Variants in CPVL observed in about 807,000 individuals in gnomAD.
CPVL encodes the protein probable serine carboxypeptidase CPVL.
A neutral mutation model predicts 63.7 loss-of-function variants in CPVL; 51 were observed. That is an observed-to-expected ratio of 0.80 (90% CI 0.64 to 1.01). The LOEUF (loss-of-function observed/expected upper bound fraction) is 1.01. Ranked by LOEUF, CPVL falls within the 50% of genes least tolerant of loss-of-function variation. The probability of loss-of-function intolerance (pLI) is 0.00; values close to 1 mark genes in which losing one functional copy is unlikely to be tolerated. For synonymous variants in CPVL, 195 were observed against 206.0 expected (o/e 0.95, Z 0.46); for missense variants, 530 against 573.1 (o/e 0.92, Z 0.77).
In CPVL at chr7:29,140,729, C is replaced by T. The variant is rs547559484; in HGVS notation, c.-11+5700G>A. On this transcript the variant is annotated intron_variant, in intron 1 of 12. Transcript: ENST00000265394. ...TCTTGCTCCAGGCTACACATTCTAT[C>T]GCACCCTCTCTCCAAAGACTCCCCA... Among the ~76,000 whole-genome samples the T allele has an allele frequency of 2.1e-4, 32 of 152,214 alleles. 1 individual carries two copies. Among genetic ancestry groups the T allele is most frequent in the Admixed American group, 7.2e-4 (11 of 15,280 alleles).
At chr7:29,050,508 A>C (rs1790039118) in intron 11 of CPVL, among the ~76,000 whole-genome samples, 1 of 152,166 alleles carries the variant, frequency 6.6e-6, no homozygotes, top group African/African-American at 2.4e-5. Flanking sequence ...AAAATGGCCC[A>C]GATACTTTGC....
chr7:29,036,775 G>A (rs1281254037), intron 11 of CPVL, among the ~76,000 whole-genome samples: 1 of 152,138 alleles, frequency 6.6e-6, no homozygotes, highest in African/African-American at 2.4e-5. Flanking sequence ...GGAAGTTTTT[G>A]AGTAATAATA....
chr7:29,095,251 C>T (rs918226196), intron 4 of CPVL, 109 bp from the exon 5 acceptor site: 27 of 867,004 alleles, frequency 3.1e-5, no homozygotes, highest in South Asian at 2.0e-4. Context: ...GAGCTGTTGG[C>T]GTACCCTCTA....
intron 12 of CPVL, among the ~76,000 whole-genome samples, chr7:29,022,765 A>C (rs563526032): frequency 6.6e-6 from 1 of 152,080 alleles, no homozygotes; most frequent in Non-Finnish European, 1.5e-5. Context: ...CCCCACCCTC[A>C]CCAGTGCCTG....
chr7:29,016,225 C>A (rs1403778653), intron 12 of CPVL, among the ~76,000 whole-genome samples: 3 of 152,098 alleles, frequency 2.0e-5, no homozygotes, highest in Middle Eastern at 3.4e-3. Context: ...GTGGTGGGGA[C>A]CTGTAATCCC....
intron 2 of CPVL, among the ~76,000 whole-genome samples, chr7:29,120,557 C>T (rs749201613): frequency 1.3e-5 from 2 of 152,052 alleles, no homozygotes; most frequent in Non-Finnish European, 2.9e-5. Context: ...GGTGCAGTGG[C>T]TCACAGCTGT....
intron 5 of CPVL, among the ~76,000 whole-genome samples, chr7:29,173,341 T>A (rs1346931539): frequency 2.0e-5 from 3 of 152,012 alleles, no homozygotes; most frequent in African/African-American, 7.2e-5. Context: ...TCTGCAGCCA[T>A]ATAATTTATC....
chr7:29,085,377 A>G (rs967672966), intron 7 of CPVL, among the ~76,000 whole-genome samples: 2 of 152,258 alleles, frequency 1.3e-5, no homozygotes, highest in African/African-American at 4.8e-5. Flanking sequence ...TCAAAAATAA[A>G]AAACAAATTT....
chr7:29,107,500 C>T (rs183186084), intron 3 of CPVL, among the ~76,000 whole-genome samples: 4 of 152,348 alleles, frequency 2.6e-5, no homozygotes, highest in Admixed American at 1.3e-4. Context: ...CCAGAGAATA[C>T]GAATGCCATC....
chr7:29,103,146 A>C (rs1787337658), intron 3 of CPVL, among the ~76,000 whole-genome samples: 1 of 116,790 alleles, frequency 8.6e-6, no homozygotes. Context: ...TGCTCAGACC[A>C]TATGCCTATC....
At chr7:29,072,616 G>C (rs1246389362) in intron 7 of CPVL, among the ~76,000 whole-genome samples, 193 bp from the exon 8 acceptor site, 1 of 152,090 alleles carries the variant, frequency 6.6e-6, no homozygotes. Flanking sequence ...GTCTCAAATA[G>C]CACCACATGA....
rs1055451441 is a variant in CPVL at position 29,153,789 on chromosome 7, C to T, written c.-11+27501G>A. ...TTCACCATGTTGGCCAGGCTGGTCT[C>T]GAACTCTTGGCCTCAAGTGATCTAC... is the stretch of plus-strand genomic sequence containing the variant. On this transcript the variant is annotated intron_variant, in intron 5 of 16. Coordinates refer to the CPVL transcript ENST00000409850. Among the ~76,000 whole-genome samples, 11 of 152,154 alleles carry T rather than the reference C, an allele frequency of 7.2e-5. No individual in the cohort carries two copies. The South Asian group carries it at 1.2e-3, about 17-fold the overall frequency.
chr7:29,103,411 A>ATTT lies in CPVL; in HGVS notation c.289-7197_289-7195dup, dbSNP rs551627609. Among the ~76,000 whole-genome samples the ATTT allele has an allele frequency of 4.7e-4, 64 of 134,782 alleles. 1 individual carries two copies. The highest frequency in any genetic ancestry group is 1.4e-3 in the African/African-American group (50 of 35,084). The allele number at this position is 134,782 out of a possible 152,430, so 88.4% of individuals were successfully genotyped here. On this transcript the variant is annotated intron_variant, in intron 3 of 12. Transcript: ENST00000265394. ...GAGGTGTGCACCACCATGCTCAGCT[A>ATTT]TTTTTTTTTTTTTTTGTATTTTTAG...
chr7:29,110,199 T>C (rs572899993), intron 3 of CPVL, among the ~76,000 whole-genome samples: 3 of 152,262 alleles, frequency 2.0e-5, no homozygotes, highest in African/African-American at 7.2e-5. Flanking sequence ...AGTAAGGAAT[T>C]GGAGTTCTCC....
intron 6 of CPVL, 86 bp from the exon 7 acceptor site, chr7:29,086,636 T>G (rs1039900302): frequency 4.1e-5 from 41 of 993,846 alleles, no homozygotes; most frequent in Admixed American, 2.8e-4. Context: ...ATCTAACTCT[T>G]TGGCAATAGG....
At chr7:29,190,388 A>G (rs1321544858) in intron 1 of CPVL, among the ~76,000 whole-genome samples, 1 of 152,202 alleles carries the variant, frequency 6.6e-6, no homozygotes, top group Non-Finnish European at 1.5e-5. Flanking sequence ...TAGCACAGGG[A>G]AAGGGAATGA....
At chr7:29,084,031 A>G (rs1224518191) in intron 7 of CPVL, among the ~76,000 whole-genome samples, 1 of 152,028 alleles carries the variant, frequency 6.6e-6, no homozygotes, top group East Asian at 1.9e-4. Context: ...TTTAGGGCAG[A>G]GTCAATATCT....
At chr7:29,077,493 A>AGGGAGTTGTCAACT (rs1394320283) in intron 7 of CPVL, among the ~76,000 whole-genome samples, 18 of 152,154 alleles carry the variant, frequency 1.2e-4, no homozygotes, top group Admixed American at 6.5e-5. Flanking sequence ...AGGTGGAAAG[A>AGGGAGTTGTCAACT]GGGAGTTGTC....
chr7:29,121,108 G>C, intron 1 of CPVL, 37 bp from the exon 2 acceptor site: 1 of 1,523,868 alleles, frequency 6.6e-7, no homozygotes, highest in African/African-American at 1.4e-5. Context: ...TGAATCATAA[G>C]AGTAAATATT....
Sources: gnomAD v4.1 joint callset for allele counts (sites outside exome capture counted in the v4.1 genomes callset) on GRCh38, gnomAD v4.1.1 for gene constraint, MANE v1.5 for transcripts, NCBI Gene and HGNC (gene_info 2026-07-23, HGNC 2026-07-21) for gene names.